SAMD12: variants seen among roughly 807,000 people sequenced by gnomAD.
The protein encoded by SAMD12 is sterile alpha motif domain containing 12.
SAMD12 carries 9 observed loss-of-function variants against 15.0 expected under a neutral mutation model. The ratio of observed to expected loss-of-function variants is 0.60; its 90% CI spans 0.36 to 1.05. The LOEUF (loss-of-function observed/expected upper bound fraction) is 1.05, where lower values mean the gene tolerates loss of function less well. Ranked by LOEUF, SAMD12 falls within the 50% of genes least tolerant of loss-of-function variation. The pLI is 0.01. For synonymous variants in SAMD12, 86 were observed against 90.1 expected (o/e 0.96, Z 0.25); for missense variants, 230 against 234.2 (o/e 0.98, Z 0.12).
intron 4 of SAMD12, among the ~76,000 whole-genome samples, chr8:118,266,693 T>C (rs931712987): frequency 6.6e-6 from 1 of 152,088 alleles, no homozygotes. Flanking sequence ...ATAATGTGGA[T>C]GAACCTGGAG....
At chr8:118,461,307 G>T (rs1190044172) in intron 2 of SAMD12, among the ~76,000 whole-genome samples, 1 of 152,178 alleles carries the variant, frequency 6.6e-6, no homozygotes, top group Non-Finnish European at 1.5e-5. Context: ...TATACAATTG[G>T]CTATTCTAGC....
chr8:118,449,625 C>T (rs1425606106), intron 2 of SAMD12, among the ~76,000 whole-genome samples: 3 of 151,168 alleles, frequency 2.0e-5, no homozygotes, highest in Admixed American at 2.0e-4. Context: ...CAATGAAACC[C>T]CGTCTCTACT....
chr8:118,212,120 C>T (rs1393405755), intron 4 of SAMD12, among the ~76,000 whole-genome samples: 1 of 151,476 alleles, frequency 6.6e-6, no homozygotes, highest in African/African-American at 2.4e-5. Context: ...ATCCAAGATA[C>T]ATTTTTTTCA....
At chr8:118,324,111 A>C (rs1197792646) in intron 4 of SAMD12, among the ~76,000 whole-genome samples, 1 of 152,146 alleles carries the variant, frequency 6.6e-6, no homozygotes, top group East Asian at 1.9e-4. Flanking sequence ...GTCTATTTTT[A>C]ATAGTTATGT....
intron 2 of SAMD12, among the ~76,000 whole-genome samples, chr8:118,498,939 C>A (rs962905007): frequency 1.3e-5 from 2 of 152,164 alleles, no homozygotes; most frequent in African/African-American, 4.8e-5. Context: ...CCACCAAGTT[C>A]ACTTTACACC....
At chr8:118,409,193 T>G (rs572388942) in intron 3 of SAMD12, among the ~76,000 whole-genome samples, 1 of 152,084 alleles carries the variant, frequency 6.6e-6, no homozygotes, top group African/African-American at 2.4e-5. Context: ...GAAAGTTAAT[T>G]TTTCAAATTA....
intron 4 of SAMD12, among the ~76,000 whole-genome samples, chr8:118,227,539 C>T (rs1812216047): frequency 1.3e-5 from 2 of 152,040 alleles, no homozygotes; most frequent in Non-Finnish European, 2.9e-5. Flanking sequence ...AAAAAGATGA[C>T]ATGGGTTTTC....
chr8:118,277,230 C>T (rs1813495990), intron 4 of SAMD12, among the ~76,000 whole-genome samples: 1 of 152,200 alleles, frequency 6.6e-6, no homozygotes. Context: ...GTCCATCTCT[C>T]TCCCACATGG....
chr8:118,286,317 T>TAA (rs112548524), intron 4 of SAMD12, among the ~76,000 whole-genome samples: 5 of 148,602 alleles, frequency 3.4e-5, no homozygotes, highest in African/African-American at 1.2e-4. Flanking sequence ...AAAATATAAT[T>TAA]AAAAAAAAAA....
At chr8:118,460,738 G>A (rs1318701961) in intron 2 of SAMD12, among the ~76,000 whole-genome samples, 2 of 152,164 alleles carry the variant, frequency 1.3e-5, no homozygotes, top group African/African-American at 2.4e-5. Flanking sequence ...GAGATGATGA[G>A]ACCATGAATA....
At chr8:118,186,024 G>A (rs569422651), downstream of SAMD12, among the ~76,000 whole-genome samples, 36 of 152,134 alleles carry the variant, frequency 2.4e-4, no homozygotes, top group Non-Finnish European at 4.9e-4. Context: ...CTGTAAATTG[G>A]TATTCTCTGG....
intron 2 of SAMD12, among the ~76,000 whole-genome samples, chr8:118,560,611 G>A (rs964272704): frequency 2.0e-5 from 3 of 152,092 alleles, no homozygotes; most frequent in Non-Finnish European, 4.4e-5. Context: ...AGAGAAATGT[G>A]GAACATATTT....
At chr8:118,394,691 A>T (rs560402013) in intron 3 of SAMD12, 1 of 152,336 alleles carries the variant, frequency 6.6e-6, no homozygotes, top group South Asian at 2.1e-4. Flanking sequence ...TGCAACAGTC[A>T]CCTAGTAGAC....
intron 3 of SAMD12, among the ~76,000 whole-genome samples, chr8:118,424,893 A>T (rs1822173871): frequency 6.6e-6 from 1 of 152,098 alleles, no homozygotes; most frequent in Non-Finnish European, 1.5e-5. Context: ...AGGCTCTGTA[A>T]GGATGGGAAC....
At chr8:118,508,655 G>A (rs1046539138) in intron 2 of SAMD12, among the ~76,000 whole-genome samples, 1 of 152,218 alleles carries the variant, frequency 6.6e-6, no homozygotes, top group Admixed American at 6.5e-5. Flanking sequence ...TTGAGCAGCA[G>A]AGGGGGTGCT....
intron 2 of SAMD12, among the ~76,000 whole-genome samples, chr8:118,532,215 T>C (rs1464055728): frequency 6.6e-6 from 1 of 152,180 alleles, no homozygotes; most frequent in East Asian, 1.9e-4. Flanking sequence ...TTGCCTTTGG[T>C]TCTGTTTAAA....
chr8:118,307,780 C>T (rs1030091373), intron 4 of SAMD12, among the ~76,000 whole-genome samples: 18 of 146,736 alleles, frequency 1.2e-4, no homozygotes, highest in Non-Finnish European at 1.9e-4. Flanking sequence ...TCGTGCTTTG[C>T]GCTCCTAGAT....
At chr8:118,598,861 C>G (rs1182283861) in intron 1 of SAMD12, among the ~76,000 whole-genome samples, 1 of 152,156 alleles carries the variant, frequency 6.6e-6, no homozygotes, top group Non-Finnish European at 1.5e-5. Flanking sequence ...CAACCATGAG[C>G]AATCCTGAGT....
intron 2 of SAMD12, among the ~76,000 whole-genome samples, chr8:118,500,052 G>A (rs915804563): frequency 1.9e-4 from 26 of 133,336 alleles, no homozygotes; most frequent in African/African-American, 7.1e-4. Context: ...CAGGATACAC[G>A]CCCCTGAGTT....
Sources: gnomAD v4.1 joint callset for allele counts (sites outside exome capture counted in the v4.1 genomes callset) on GRCh38, gnomAD v4.1.1 for gene constraint, MANE v1.5 for transcripts, NCBI Gene and HGNC (gene_info 2026-07-23, HGNC 2026-07-21) for gene names.